The following SCN11A variants were observed in gnomAD, a reference collection of about 807,000 sequenced individuals.
SCN11A encodes the protein sodium voltage-gated channel alpha subunit 11, also known as sodium channel protein type 11 subunit alpha.
In SCN11A, 122 loss-of-function variants were observed where a neutral mutation model predicts 162.2. The ratio of observed to expected loss-of-function variants is 0.75; its 90% CI spans 0.65 to 0.87. The LOEUF is 0.87. Among genes scored for constraint, SCN11A ranks in the 40% least tolerant of loss-of-function variants. The pLI is 0.00. For missense variants in SCN11A, 2,015 were observed against 2,181.6 expected (o/e 0.92, Z 1.52); for synonymous variants, 758 against 751.5 (o/e 1.01, Z -0.14).
In SCN11A at chr3:38,847,430, A is replaced by G. The variant is rs554959327; in HGVS notation, c.4640T>C (p.Ile1547Thr). Residue 1547 changes from isoleucine to threonine, a missense_variant, in exon 30 of 30, where the codon ATA (isoleucine) becomes ACA (threonine). Coordinates refer to ENST00000302328, the MANE Select transcript of SCN11A (RefSeq NM_001349253.2). ...FASSMLCLFQ[I>T]STSAGWDSLL... ...GGAATCCCAACCTGCTGATGTGCTT[A>G]TCTGGAAGAGACAGAGCATGCTGCT... 3.7e-5 allele frequency: 60 copies of G among 1,614,232 alleles called. No homozygotes were observed. The South Asian group carries it at 5.5e-4, about 15-fold the overall frequency.
At chr3:39,019,891 G>A (rs1024938295) in intron 2 of SCN11A, among the ~76,000 whole-genome samples, 43 of 151,918 alleles carry the variant, frequency 2.8e-4, no homozygotes, top group African/African-American at 9.7e-4. Context: ...AAATGGTTGG[G>A]GTATTTACTG....
intron 2 of SCN11A, among the ~76,000 whole-genome samples, chr3:39,004,938 G>T (rs2030927547): frequency 6.6e-6 from 1 of 152,182 alleles, no homozygotes; most frequent in Admixed American, 6.5e-5. Context: ...GGGAGCATCA[G>T]CAAGCTACTG....
intron 1 of SCN11A, among the ~76,000 whole-genome samples, chr3:39,048,729 A>T (rs1397957037): frequency 6.6e-6 from 1 of 152,258 alleles, no homozygotes; most frequent in African/African-American, 2.4e-5. Flanking sequence ...ACTATGGCTT[A>T]AAGTGACACT....
At chr3:39,024,608 A>G (rs974707878) in intron 2 of SCN11A, among the ~76,000 whole-genome samples, 11 of 152,212 alleles carry the variant, frequency 7.2e-5, no homozygotes, top group African/African-American at 2.7e-4. Context: ...TAAAACCAGA[A>G]CATAATACTC....
chr3:38,908,410 A>G (rs778233380), intron 13 of SCN11A, among the ~76,000 whole-genome samples: 13 of 152,168 alleles, frequency 8.5e-5, no homozygotes, highest in Non-Finnish European at 1.8e-4. Context: ...ATAAATACTT[A>G]TGCCTGATAG....
rs376861071 is a variant in SCN11A, at chr3:38,867,361, A to G, written c.3911T>C (p.Ile1304Thr). The change falls in exon 27 of 30, where the codon ATT becomes ACT. Residue 1304 changes from isoleucine to threonine, a missense_variant. Ile to Thr is a moderately conservative substitution (Grantham distance 89, BLOSUM62 -1). Coordinates refer to ENST00000302328, the MANE Select transcript of SCN11A (RefSeq NM_001349253.2). ...FGSFFTLNLFIGVIIDNFNQQ... is the reference protein window; with the variant it reads ...FGSFFTLNLFTGVIIDNFNQQ... Reference sequence around the variant, plus strand: ...GTTGAAGTTGTCAATGATAACGCCAATGAAGAGATTCAGAGTGAAGAATGA... The same window carrying G: ...GTTGAAGTTGTCAATGATAACGCCAGTGAAGAGATTCAGAGTGAAGAATGA... 4.1e-5 allele frequency: 66 copies of G among 1,613,510 alleles called. No individual in the cohort carries two copies. Among genetic ancestry groups the G allele is most frequent in the Non-Finnish European group, 5.3e-5 (63 of 1,179,604 alleles).
rs1274914399 is a variant in SCN11A, at chr3:38,909,083, C to A, written c.1213G>T (p.Glu405Ter). 9 of 1,614,080 alleles carry A rather than the reference C, an allele frequency of 5.6e-6. No individual in the cohort carries two copies. Among genetic ancestry groups the A allele is most frequent in the Non-Finnish European group, 7.6e-6 (9 of 1,179,986 alleles). The change falls in exon 13 of 30, where the codon GAG (glutamate) becomes TAG (stop). Residue 405 changes from glutamate to a stop codon, truncating the protein, a stop_gained. Transcript: ENST00000302328. LOFTEE classifies it high-confidence loss of function. Reference protein sequence around the residue: ...TLAVVTMAYEEQNKNVAAEIE... With the variant: ...TLAVVTMAYE ...TCTGCAGCTACATTCTTGTTCTGCT[C>A]CTCATATGCCATGGTAACAACAGCC... is the stretch of plus-strand genomic sequence containing the variant.
intron 9 of SCN11A, among the ~76,000 whole-genome samples, chr3:38,922,698 G>A (rs114860786): frequency 4.6e-5 from 7 of 151,544 alleles, no homozygotes; most frequent in African/African-American, 1.5e-4. Context: ...GGAGGAGGAG[G>A]AGAAGAAGAG....
intron 11 of SCN11A, among the ~76,000 whole-genome samples, chr3:38,918,079 A>G (rs2065988370): frequency 1.3e-5 from 2 of 152,102 alleles, no homozygotes; most frequent in South Asian, 4.1e-4. Flanking sequence ...TTATAGCAGT[A>G]TAGTATTGTA....
chr3:39,031,830 A>T (rs1315441711), intron 2 of SCN11A, among the ~76,000 whole-genome samples: 1 of 152,182 alleles, frequency 6.6e-6, no homozygotes, highest in East Asian at 1.9e-4. Context: ...AATATCCGTG[A>T]TAGGCTTGCA....
intron 18 of SCN11A, among the ~76,000 whole-genome samples, chr3:38,895,777 C>T (rs2065587035): frequency 6.6e-6 from 1 of 152,034 alleles, no homozygotes. Flanking sequence ...TATAAGTGGT[C>T]TTCTCAAGTT....
At chr3:38,916,481 AGT>A (rs2065962780) in intron 11 of SCN11A, among the ~76,000 whole-genome samples, 2 of 152,302 alleles carry the variant, frequency 1.3e-5, no homozygotes, top group Admixed American at 1.3e-4. Context: ...CAGAAACCAT[AGT>A]GGCTTTTAAA....
Position 38,945,484 on chromosome 3 carries a change from C to A in SCN11A, c.415G>T (p.Val139Phe). The A allele has an allele frequency of 6.3e-7, 1 of 1,587,582 alleles. No individual in the cohort carries two copies. Residue 139 changes from valine (V) to phenylalanine (F), a missense_variant, in exon 7 of 30, where the codon GTT becomes TTT. Physicochemically the swap from Val to Phe is conservative, Grantham distance 50 (BLOSUM62 -1). Transcript: ENST00000302328. ...GCCATGAACACGCAGTTGATGATAA[C>A]GGTGCCGATAATGAACATGCTGAAC... The part of the protein sequence containing the change: ...SLFSMFIIGT[V>F]IINCVFMATG...
At chr3:38,875,449 T>C (rs1029086734) in intron 23 of SCN11A, among the ~76,000 whole-genome samples, 29 of 152,148 alleles carry the variant, frequency 1.9e-4, no homozygotes, top group African/African-American at 4.8e-4. Flanking sequence ...ATTGTATACA[T>C]AGAAAATCCT....
At chr3:38,991,700 T>C (rs1479022451) in intron 2 of SCN11A, among the ~76,000 whole-genome samples, 1 of 152,224 alleles carries the variant, frequency 6.6e-6, no homozygotes, top group East Asian at 1.9e-4. Flanking sequence ...ACATGGCACC[T>C]ATGCTGTTGT....
intron 7 of SCN11A, among the ~76,000 whole-genome samples, chr3:38,938,511 T>TTC (rs2066374936): frequency 1.0e-4 from 1 of 9,844 alleles, no homozygotes; most frequent in African/African-American, 3.3e-4. Context: ...AAAAATATCA[T>TTC]ATATATATAT....
Position 38,989,917 on chromosome 3 carries a change from A to G in SCN11A, c.-279-29494T>C, listed in dbSNP as rs889151852. ...GATACAGGGTGACTCTGTCGAAATA[A>G]TGTTCCCAGTCCAAGCCATTAGCTT... On this transcript the variant is annotated intron_variant, in intron 2 of 29. Transcript: ENST00000302328. 3.7e-4 allele frequency among the ~76,000 whole-genome samples: 57 copies of G among 152,100 alleles called. 1 individual carries two copies. Among genetic ancestry groups the G allele is most frequent in the African/African-American group, 1.3e-3 (56 of 41,486 alleles).
intron 5 of SCN11A, among the ~76,000 whole-genome samples, chr3:38,947,616 C>T (rs546734555): frequency 6.6e-6 from 1 of 152,234 alleles, no homozygotes; most frequent in African/African-American, 2.4e-5. Flanking sequence ...GTACATTATG[C>T]CCGCCCCCCC....
intron 7 of SCN11A, among the ~76,000 whole-genome samples, chr3:38,931,343 T>C (rs11924572): frequency 0.055 from 8,366 of 152,076 alleles, 765 homozygotes; most frequent in African/African-American, 0.19. Context: ...CAGAGACATA[T>C]AGACCAAACC....
Sources: gnomAD v4.1 joint callset for allele counts (sites outside exome capture counted in the v4.1 genomes callset) on GRCh38, gnomAD v4.1.1 for gene constraint, MANE v1.5 for transcripts, NCBI Gene and HGNC (gene_info 2026-07-23, HGNC 2026-07-21) for gene names.